The following TMEM266 variants were observed in gnomAD, a reference collection of about 807,000 sequenced individuals.
TMEM266 encodes the protein transmembrane protein 266, also known as Hv1 related protein 1.
Under a neutral mutation model 50.5 loss-of-function variants are expected in TMEM266, and 33 were observed. The observed-to-expected ratio is 0.65, with a 90% CI of 0.50 to 0.87. The LOEUF is 0.87. Among genes scored for constraint, TMEM266 ranks in the 40% least tolerant of loss-of-function variants. TMEM266 has a pLI of 0.00. For synonymous variants in TMEM266, 310 were observed against 292.3 expected (o/e 1.06, Z -0.62); for missense variants, 655 against 695.1 (o/e 0.94, Z 0.65).
At chr15:76,184,189 C>T (rs1320616156) in intron 8 of TMEM266, among the ~76,000 whole-genome samples, 1 of 152,212 alleles carries the variant, frequency 6.6e-6, no homozygotes, top group Admixed American at 6.5e-5. Context: ...CCACAAGTTC[C>T]CAGCTCAGCA....
At chr15:76,199,213 A>G (rs996241843) in intron 9 of TMEM266, among the ~76,000 whole-genome samples, 5 of 152,232 alleles carry the variant, frequency 3.3e-5, no homozygotes, top group African/African-American at 1.2e-4. Flanking sequence ...AGGCGGATGG[A>G]GAAACCGAGT....
Position 76,199,726 on chromosome 15 carries a change from G to C in TMEM266, c.959-2476G>C, listed in dbSNP as rs976916744. On this transcript the variant is annotated intron_variant, in intron 9 of 10. Transcript: ENST00000388942. ...GCAGGGAGATCAGTGTGTGAAGTGCGGACCCCTAGGTCTGGAGCTTTGAGA... is the reference window on the plus strand; with the variant it reads ...GCAGGGAGATCAGTGTGTGAAGTGCCGACCCCTAGGTCTGGAGCTTTGAGA... Among the ~76,000 whole-genome samples, 17 of 151,126 alleles carry C rather than the reference G, an allele frequency of 1.1e-4. 1 individual carries two copies. Among genetic ancestry groups the C allele is most frequent in the Middle Eastern group, 3.2e-3 (1 of 316 alleles).
At chr15:76,192,432 C>A (rs533337643) in intron 9 of TMEM266, among the ~76,000 whole-genome samples, 1 of 152,224 alleles carries the variant, frequency 6.6e-6, no homozygotes, top group African/African-American at 2.4e-5. Flanking sequence ...TGTGTGGTGT[C>A]TTCCCTGTCC....
At chr15:76,070,054 A>T (rs2036514072) in intron 1 of TMEM266, among the ~76,000 whole-genome samples, 1 of 152,208 alleles carries the variant, frequency 6.6e-6, no homozygotes, top group South Asian at 2.1e-4. Flanking sequence ...TCAGGAAGGA[A>T]TGTGTTTATC....
Position 76,204,566 on chromosome 15 carries a change from A to G in TMEM266, c.*251A>G. On this transcript the variant is annotated 3_prime_UTR_variant, in exon 11 of 11. Coordinates refer to ENST00000388942, the MANE Select transcript of TMEM266 (RefSeq NM_152335.3). Reference sequence around the variant, plus strand: ...TCGTGGCTGGGTTTTCTTTTTAACCATTTTTACAAAAACCAGCCTGTGGCC... The same window carrying G: ...TCGTGGCTGGGTTTTCTTTTTAACCGTTTTTACAAAAACCAGCCTGTGGCC... The G allele has an allele frequency of 2.8e-6, 1 of 355,344 alleles. No individual in the cohort carries two copies. The highest frequency in any genetic ancestry group is 4.3e-5 in the Admixed American group (1 of 23,432). The allele number at this position is 355,344 out of a possible 1,614,324, so 22.0% of individuals were successfully genotyped here.
intron 10 of TMEM266, 145 bp downstream of exon 10, chr15:76,202,409 G>A (rs905507140): frequency 1.9e-5 from 14 of 740,826 alleles, no homozygotes; most frequent in African/African-American, 8.9e-5. Context: ...TTAAAATATC[G>A]GAGCTTCAGC....
At chr15:76,088,402 C>T (rs530481760) in intron 1 of TMEM266, among the ~76,000 whole-genome samples, 1 of 152,274 alleles carries the variant, frequency 6.6e-6, no homozygotes, top group African/African-American at 2.4e-5. Context: ...ACCTACAATC[C>T]TAGCACTTTA....
At chr15:76,122,854 A>G (rs1000299573) in intron 1 of TMEM266, among the ~76,000 whole-genome samples, 1 of 152,208 alleles carries the variant, frequency 6.6e-6, no homozygotes, top group African/African-American at 2.4e-5. Flanking sequence ...GGTCACTTAC[A>G]GAAGTGTTTG....
chr15:76,134,197 C>T lies in TMEM266; in HGVS notation c.-67C>T, dbSNP rs966685119. ...CTATATTTGTATGTGTCTTGTAGAA[C>T]CCACGCTTGGAAATGCTGACAGCAG... On this transcript the variant is annotated 5_prime_UTR_variant, in exon 2 of 11. Transcript: ENST00000388942. 2.3e-5 allele frequency: 36 copies of T among 1,554,956 alleles called. 1 individual carries two copies. In the South Asian group the frequency reaches 2.8e-4, roughly 12 times the overall value.
intron 1 of TMEM266, among the ~76,000 whole-genome samples, chr15:76,116,992 C>G (rs1045458175): frequency 2.0e-5 from 3 of 151,538 alleles, no homozygotes; most frequent in Non-Finnish European, 4.4e-5. Context: ...CTCCACCTCC[C>G]GGGTTCCAGC....
At position 76,195,569 on chromosome 15, in the gene TMEM266, A is replaced by C. The variant is rs548845240; in HGVS notation, c.958+3412A>C. On this transcript the variant is annotated intron_variant, in intron 9 of 10. Coordinates refer to ENST00000388942, the MANE Select transcript of TMEM266 (RefSeq NM_152335.3). ...ATGAAAGGAGCAGATTTACCATCTCAGCCCATTTCAGGATCTTCCTCTGTG... is the reference window on the plus strand; with the variant it reads ...ATGAAAGGAGCAGATTTACCATCTCCGCCCATTTCAGGATCTTCCTCTGTG... Among the ~76,000 whole-genome samples the C allele has an allele frequency of 1.3e-4, 20 of 152,342 alleles. No individual in the cohort carries two copies. In the South Asian group the frequency reaches 2.9e-3, roughly 22 times the overall value.
intron 8 of TMEM266, among the ~76,000 whole-genome samples, chr15:76,189,571 C>T (rs908937871): frequency 3.3e-5 from 5 of 151,826 alleles, no homozygotes; most frequent in Admixed American, 1.3e-4. Flanking sequence ...CTTTTCCCCT[C>T]GGAACCCCTG....
intron 1 of TMEM266, among the ~76,000 whole-genome samples, chr15:76,109,644 G>T (rs115904850): frequency 0.015 from 2,207 of 152,168 alleles, 40 homozygotes; most frequent in African/African-American, 0.051. Flanking sequence ...CTGGGTGACA[G>T]AATGAGACCT....
chr15:76,092,650 A>C (rs556484447), intron 1 of TMEM266, among the ~76,000 whole-genome samples: 14 of 151,622 alleles, frequency 9.2e-5, no homozygotes, highest in African/African-American at 2.9e-4. Context: ...AGACTGTGCC[A>C]CTGCACTTCA....
intron 8 of TMEM266, among the ~76,000 whole-genome samples, chr15:76,186,968 G>T (rs1311847466): frequency 3.9e-4 from 60 of 152,220 alleles, no homozygotes; most frequent in Non-Finnish European, 4.4e-5. Flanking sequence ...CCTGCCATAA[G>T]TACCAGCCCA....
At chr15:76,136,574 A>C (rs1038887915) in intron 2 of TMEM266, among the ~76,000 whole-genome samples, 4 of 152,118 alleles carry the variant, frequency 2.6e-5, no homozygotes, top group Non-Finnish European at 5.9e-5. Context: ...ACTGACCCTC[A>C]ATGTTCCCTC....
At chr15:76,196,776 C>T (rs777544265) in intron 9 of TMEM266, among the ~76,000 whole-genome samples, 2 of 152,218 alleles carry the variant, frequency 1.3e-5, no homozygotes, top group Admixed American at 6.5e-5. Flanking sequence ...TCCACAATCT[C>T]AACAGTTGCC....
At chr15:76,157,243 G>A (rs1004894533) in intron 4 of TMEM266, among the ~76,000 whole-genome samples, 12 of 152,248 alleles carry the variant, frequency 7.9e-5, no homozygotes, top group Admixed American at 7.2e-4. Context: ...TATACGTATC[G>A]TGATAGTTTT....
At chr15:76,179,424 G>T (rs2038359381) in intron 8 of TMEM266, among the ~76,000 whole-genome samples, 1 of 152,204 alleles carries the variant, frequency 6.6e-6, no homozygotes, top group South Asian at 2.1e-4. Flanking sequence ...AGCAGTGGCA[G>T]CTCGCCTTGG....
Sources: gnomAD v4.1 joint callset for allele counts (sites outside exome capture counted in the v4.1 genomes callset) on GRCh38, gnomAD v4.1.1 for gene constraint, MANE v1.5 for transcripts, NCBI Gene and HGNC (gene_info 2026-07-23, HGNC 2026-07-21) for gene names.